The following GPI variants were observed in gnomAD, a reference collection of about 807,000 sequenced individuals.
GPI encodes the protein glucose-6-phosphate isomerase, also known as D-hexose-6-phosphate anomerase.
A neutral mutation model predicts 75.8 loss-of-function variants in GPI; 56 were observed. The observed-to-expected ratio is 0.74, with a 90% CI of 0.60 to 0.92. The LOEUF is 0.92. GPI is among the 40% of genes least tolerant of loss of function. The probability of loss-of-function intolerance (pLI) is 0.00; values close to 1 mark genes in which losing one functional copy is unlikely to be tolerated. For missense variants in GPI, 638 were observed against 741.0 expected, an observed-to-expected ratio of 0.86 and a Z score of 1.61; for synonymous variants, 288 against 285.4, an observed-to-expected ratio of 1.01 and a Z score of -0.09.
chr19:34,383,587 C>T (rs552823718), intron 9 of GPI, among the ~76,000 whole-genome samples: 23 of 152,158 alleles, frequency 1.5e-4, no homozygotes, highest in Non-Finnish European at 3.2e-4. Context: ...GAGCTCAGGG[C>T]GTCAGAGGCC....
intron 4 of GPI, among the ~76,000 whole-genome samples, chr19:34,373,425 T>G (rs2145343623): frequency 6.7e-6 from 1 of 149,918 alleles, no homozygotes; most frequent in East Asian, 2.0e-4. Context: ...GGCATGGTGG[T>G]GCATGCCGGT....
intron 9 of GPI, among the ~76,000 whole-genome samples, chr19:34,382,522 C>G (rs1180856291): frequency 6.6e-6 from 1 of 152,186 alleles, no homozygotes; most frequent in Non-Finnish European, 1.5e-5. Flanking sequence ...AAGTCATTTT[C>G]TGCATCCTGT....
intron 6 of GPI, among the ~76,000 whole-genome samples, chr19:34,378,361 T>G (rs2074583030): frequency 6.6e-6 from 1 of 151,858 alleles, no homozygotes; most frequent in South Asian, 2.1e-4. Context: ...CCTGGCTAAT[T>G]TTATTATTTA....
At chr19:34,379,603 T>C in intron 8 of GPI, 41 bp downstream of exon 8, 1 of 1,506,254 alleles carries the variant, frequency 6.6e-7, no homozygotes. Flanking sequence ...TTCCTGGGAG[T>C]GCCCAGCATG....
rs77365964 is a variant in GPI at position 34,380,533 on chromosome 19, C to T, written c.751-933C>T. On this transcript the variant is annotated intron_variant, in intron 8 of 17. Coordinates refer to ENST00000356487, the MANE Select transcript of GPI (RefSeq NM_000175.5). ...TTGACCTCAAGTGATCTGCCCACCT[C>T]GGCCTACCAAAGTGTTGGGATTATA... Among the ~76,000 whole-genome samples the T allele has an allele frequency of 7.3e-3, 1,109 of 152,332 alleles. 43 individuals are homozygous for T. In the East Asian group the frequency reaches 0.096, roughly 13 times the overall value.
intron 9 of GPI, among the ~76,000 whole-genome samples, chr19:34,387,889 C>G (rs1370627428): frequency 3.9e-5 from 6 of 152,066 alleles, no homozygotes; most frequent in African/African-American, 9.7e-5. Flanking sequence ...GAAGGTGGGT[C>G]AGACACAGGT....
intron 9 of GPI, chr19:34,392,129 C>CCATGTCTGAGG (rs2074856006): frequency 5.9e-4 from 1 of 1,700 alleles, no homozygotes. Context: ...CTGCATCTGT[C>CCATGTCTGAGG]AGTTTCTGAG....
chr19:34,366,079 G>T, intron 1 of GPI: 1 of 672,942 alleles, frequency 1.5e-6, no homozygotes, highest in Non-Finnish European at 2.7e-6. Context: ...CCTGGGAAGG[G>T]GTGGTCCCCC....
At chr19:34,383,615 GAAGTCC>G (rs2074688431) in intron 9 of GPI, among the ~76,000 whole-genome samples, 1 of 152,212 alleles carries the variant, frequency 6.6e-6, no homozygotes, top group Non-Finnish European at 1.5e-5. Flanking sequence ...ATTTGTGACT[GAAGTCC>G]AAGTCTGTGG....
chr19:34,395,901 G>GT lies in GPI; in HGVS notation c.1063-392dup, dbSNP rs1051698089. On this transcript the variant is annotated intron_variant, in intron 12 of 17. Coordinates refer to ENST00000356487, the MANE Select transcript of GPI (RefSeq NM_000175.5). Reference sequence around the variant, plus strand: ...TCAAGACTTGCAGGAAGAGGGTTGGGTTTTTTTTCTTTCTTTTCCTTTCTT... The same window carrying GT: ...TCAAGACTTGCAGGAAGAGGGTTGGGTTTTTTTTTCTTTCTTTTCCTTTCTT... Among the ~76,000 whole-genome samples the GT allele has an allele frequency of 9.4e-5, 14 of 148,900 alleles. No individual in the cohort carries two copies. The South Asian group carries it at 2.8e-3, about 30-fold the overall frequency.
intron 9 of GPI, among the ~76,000 whole-genome samples, chr19:34,389,925 A>G (rs187050980): frequency 6.6e-6 from 1 of 152,328 alleles, no homozygotes; most frequent in Admixed American, 6.5e-5. Context: ...TTAGGAAGAC[A>G]TCCGTGAAGT....
At chr19:34,389,334 G>T (rs915351593) in intron 9 of GPI, among the ~76,000 whole-genome samples, 2 of 152,126 alleles carry the variant, frequency 1.3e-5, no homozygotes, top group Non-Finnish European at 1.5e-5. Flanking sequence ...CTTCAAAGTG[G>T]CTTGTTTGCT....
intron 4 of GPI, among the ~76,000 whole-genome samples, chr19:34,374,995 G>T (rs2074512457): frequency 6.6e-6 from 1 of 151,966 alleles, no homozygotes; most frequent in Non-Finnish European, 1.5e-5. Context: ...CCCAGTAAGT[G>T]CTGGGATTAT....
At chr19:34,365,695 T>G in intron 1 of GPI, 1 of 559,490 alleles carries the variant, frequency 1.8e-6, no homozygotes, top group South Asian at 1.5e-5. Flanking sequence ...GAGCAGGGGC[T>G]CCTTTCGCAG....
intron 9 of GPI, among the ~76,000 whole-genome samples, chr19:34,392,010 T>G (rs1264902504): frequency 1.8e-5 from 1 of 56,728 alleles, no homozygotes; most frequent in Non-Finnish European, 3.8e-5. Flanking sequence ...CTGGTGCAGG[T>G]ATAAGGATCT....
intron 14 of GPI, chr19:34,398,951 C>T (rs913468346): frequency 3.5e-5 from 12 of 341,042 alleles, no homozygotes; most frequent in African/African-American, 8.4e-5. Flanking sequence ...GTGGTCCATC[C>T]GCCTCGGCCT....
upstream of GPI, among the ~76,000 whole-genome samples, chr19:34,361,717 A>G (rs139737657): frequency 1.3e-5 from 2 of 152,246 alleles, no homozygotes; most frequent in Non-Finnish European, 2.9e-5. Flanking sequence ...GCGGTGTTGC[A>G]TGCCTGTAAT....
chr19:34,399,674 A>G, intron 16 of GPI, 43 bp downstream of exon 16: 1 of 1,613,364 alleles, frequency 6.2e-7, no homozygotes. Flanking sequence ...GTAGGTTGGA[A>G]TGGGCTTGTG....
chr19:34,368,836 T>A (rs1357666322), intron 4 of GPI, 134 bp downstream of exon 4: 32 of 1,013,028 alleles, frequency 3.2e-5, no homozygotes, highest in Non-Finnish European at 3.1e-6. Flanking sequence ...AAGGGAGGGG[T>A]TGCCTGTGTG....
Sources: allele counts gnomAD v4.1 joint callset (sites outside exome capture counted in the v4.1 genomes callset), GRCh38; gene constraint gnomAD v4.1.1; transcripts MANE v1.5; gene names NCBI Gene and HGNC (gene_info 2026-07-23, HGNC 2026-07-21).